The following ANTXR1 variants were observed in gnomAD, a reference collection of about 807,000 sequenced individuals.
The protein encoded by ANTXR1 is ANTXR cell adhesion molecule 1.
In ANTXR1, 19 loss-of-function variants were observed where a neutral mutation model predicts 78.1. The observed-to-expected ratio is 0.24, with a 90% confidence interval of 0.17 to 0.36. ANTXR1 has a LOEUF of 0.36. Among genes scored for constraint, ANTXR1 ranks in the 10% least tolerant of loss-of-function variants. The pLI is 1.00. For synonymous variants in ANTXR1, 273 were observed against 260.5 expected, an observed-to-expected ratio of 1.05 and a Z score of -0.46; for missense variants, 518 against 718.6, an observed-to-expected ratio of 0.72 and a Z score of 3.19.
rs57008189 is a variant in ANTXR1 at position 69,072,955 on chromosome 2, G to C, written c.413-67G>C. ...TTGAACTCGTAAGAGGTTGAATCCTGGGACTGAGAGGGTGTTTCCTTGGGT... is the reference window on the plus strand; with the variant it reads ...TTGAACTCGTAAGAGGTTGAATCCTCGGACTGAGAGGGTGTTTCCTTGGGT... On this transcript the variant is annotated intron_variant, in intron 5 of 17. Transcript: ENST00000303714. 154,789 of 1,472,118 alleles carry C rather than the reference G, an allele frequency of 0.11. 9,186 individuals are homozygous for C. The highest frequency in any genetic ancestry group is 0.2 in the East Asian group (8,881 of 44,106). 91.2% of individuals were successfully genotyped at this position (1,472,118 alleles called of 1,614,324 possible).
chr2:69,103,269 C>T (rs1392032510), intron 10 of ANTXR1: 1 of 393,628 alleles, frequency 2.5e-6, no homozygotes. Flanking sequence ...TCCTTGTCCC[C>T]TGCCATCTAC....
At chr2:69,145,907 A>G in intron 12 of ANTXR1, 2 of 985,800 alleles carry the variant, frequency 2.0e-6, no homozygotes, top group Non-Finnish European at 2.4e-6. Flanking sequence ...CCACCTGCCA[A>G]GCAAGAGATG....
rs560068674 is a variant in ANTXR1, at chr2:69,025,165, C to G, written c.152+11514C>G. ...CATCTTTACCTAGGTGATGCCTGCC[C>G]ATTTATCCTTTGAGACGATTACTAG... On this transcript the variant is annotated intron_variant, in intron 1 of 17. Coordinates refer to ENST00000303714, the MANE Select transcript of ANTXR1 (RefSeq NM_032208.3). Among the ~76,000 whole-genome samples the G allele has an allele frequency of 1.5e-4, 23 of 152,268 alleles. No individual in the cohort carries two copies. The South Asian group carries it at 3.5e-3, about 23-fold the overall frequency.
At chr2:69,215,920 AGAAAATG>A (rs1401598875) in intron 17 of ANTXR1, among the ~76,000 whole-genome samples, 12 of 152,358 alleles carry the variant, frequency 7.9e-5, no homozygotes, top group Middle Eastern at 3.4e-3. Flanking sequence ...ATCACCACTG[AGAAAATG>A]GAAGCCAGTC....
chr2:69,156,450 T>C (rs2104435453), intron 13 of ANTXR1, among the ~76,000 whole-genome samples: 1 of 152,266 alleles, frequency 6.6e-6, no homozygotes, highest in African/African-American at 2.4e-5. Flanking sequence ...GCCACCTTCA[T>C]CCTTTAAAAA....
chr2:69,214,796 C>T (rs1218879514), intron 17 of ANTXR1, among the ~76,000 whole-genome samples: 1 of 152,222 alleles, frequency 6.6e-6, no homozygotes, highest in Non-Finnish European at 1.5e-5. Context: ...CACTGACTCT[C>T]TTTTTTCCCC....
chr2:69,240,712 G>C (rs1227450448), intron 17 of ANTXR1, among the ~76,000 whole-genome samples: 1 of 152,182 alleles, frequency 6.6e-6, no homozygotes, highest in Non-Finnish European at 1.5e-5. Flanking sequence ...GTATAAAGAG[G>C]ATGAGTTCCT....
intron 17 of ANTXR1, among the ~76,000 whole-genome samples, chr2:69,232,014 T>G (rs1292832447): frequency 6.6e-6 from 1 of 152,074 alleles, no homozygotes; most frequent in East Asian, 1.9e-4. Flanking sequence ...CAAGAATTAT[T>G]TGGGATGGAA....
chr2:69,132,523 G>A lies in ANTXR1; in HGVS notation c.951+7880G>A, dbSNP rs116800827. 6.7e-3 allele frequency among the ~76,000 whole-genome samples: 1,020 copies of A among 152,320 alleles called. 10 individuals are homozygous for A. The highest frequency in any genetic ancestry group is 0.023 in the African/African-American group (968 of 41,556). On this transcript the variant is annotated intron_variant, in intron 12 of 17. Coordinates refer to ENST00000303714, the MANE Select transcript of ANTXR1 (RefSeq NM_032208.3). ...AAAATCTCTTGAATTTCACCAGCCC[G>A]GTAGGGAGTGAATTCAGTAGCCTGT...
chr2:69,164,235 A>G (rs1310017324), intron 13 of ANTXR1, among the ~76,000 whole-genome samples: 1 of 152,172 alleles, frequency 6.6e-6, no homozygotes, highest in Non-Finnish European at 1.5e-5. Context: ...CGTAAGGCCA[A>G]CCCGTGACTC....
At chr2:69,148,455 A>T (rs1355442389) in intron 12 of ANTXR1, among the ~76,000 whole-genome samples, 2 of 152,148 alleles carry the variant, frequency 1.3e-5, no homozygotes, top group Non-Finnish European at 2.9e-5. Flanking sequence ...GTCTGCTGGG[A>T]GCTATGGAAC....
intron 13 of ANTXR1, among the ~76,000 whole-genome samples, chr2:69,167,821 G>A (rs780539771): frequency 5.9e-5 from 9 of 152,164 alleles, no homozygotes; most frequent in Non-Finnish European, 8.8e-5. Flanking sequence ...GTGAAATCTG[G>A]ATCATAAACC....
intron 1 of ANTXR1, among the ~76,000 whole-genome samples, chr2:69,014,977 T>G (rs1246676197): frequency 6.6e-6 from 1 of 151,726 alleles, no homozygotes; most frequent in Admixed American, 6.6e-5. Flanking sequence ...AAGCATCAGC[T>G]CACAGACTTA....
At chr2:69,064,868 A>T (rs936595224) in intron 3 of ANTXR1, among the ~76,000 whole-genome samples, 3 of 152,230 alleles carry the variant, frequency 2.0e-5, no homozygotes, top group African/African-American at 7.2e-5. Context: ...CATTTGTGGG[A>T]TGCAGCTAAA....
At chr2:69,097,556 C>G (rs1671471112) in intron 9 of ANTXR1, among the ~76,000 whole-genome samples, 1 of 152,236 alleles carries the variant, frequency 6.6e-6, no homozygotes, top group African/African-American at 2.4e-5. Flanking sequence ...GCCACCTCTT[C>G]TAAATGGATT....
intron 13 of ANTXR1, among the ~76,000 whole-genome samples, chr2:69,167,345 G>A (rs553842060): frequency 1.4e-4 from 21 of 152,316 alleles, no homozygotes; most frequent in Admixed American, 1.3e-3. Flanking sequence ...CCATGGTGCC[G>A]CAGGCTACAG....
In ANTXR1 at chr2:69,013,409, G is replaced by A; in HGVS notation, c.-91G>A. 6.5e-7 allele frequency: 1 copy of A among 1,538,796 alleles called. No individual in the cohort carries two copies. The highest frequency in any genetic ancestry group is 2.3e-5 in the East Asian group (1 of 42,704). On this transcript the variant is annotated 5_prime_UTR_variant, in exon 1 of 18. Coordinates refer to ENST00000303714, the MANE Select transcript of ANTXR1 (RefSeq NM_032208.3). The surrounding 1 kb of genome is among the most constrained non-coding windows in gnomAD (Gnocchi z 5.0). ...CGAGGGGGAATAAAGGACCCGCGAGGAAGGGCCCGCGGATGGCGCGTCCCT... is the reference window on the plus strand; with the variant it reads ...CGAGGGGGAATAAAGGACCCGCGAGAAAGGGCCCGCGGATGGCGCGTCCCT...
intron 3 of ANTXR1, among the ~76,000 whole-genome samples, chr2:69,049,600 A>C (rs537295883): frequency 5.6e-4 from 85 of 152,218 alleles, no homozygotes; most frequent in Non-Finnish European, 8.8e-4. Flanking sequence ...GTGAGCCACC[A>C]CATCTGCCTT....
In ANTXR1 at chr2:69,245,678, A is replaced by G. The variant is rs1676006687; in HGVS notation, c.*193A>G. ...GATATTTTAAATTGCCAGAAAACAAATGATGAGGCAACTACAGTCAGATTT... is the reference window on the plus strand; with the variant it reads ...GATATTTTAAATTGCCAGAAAACAAGTGATGAGGCAACTACAGTCAGATTT... On this transcript the variant is annotated 3_prime_UTR_variant, in exon 18 of 18. Transcript: ENST00000303714. The G allele has an allele frequency of 9.7e-6, 7 of 725,060 alleles. No homozygotes were observed. In the Admixed American group the frequency reaches 1.7e-4, roughly 17 times the overall value. 44.9% of individuals were successfully genotyped at this position (725,060 alleles called of 1,614,324 possible).
Sources: allele counts gnomAD v4.1 joint callset (sites outside exome capture counted in the v4.1 genomes callset), GRCh38; gene constraint gnomAD v4.1.1; non-coding constraint Gnocchi (gnomAD v3.1); transcripts MANE v1.5; gene names NCBI Gene and HGNC (gene_info 2026-07-23, HGNC 2026-07-21).